ZDHHC3: variants seen among roughly 807,000 people sequenced by gnomAD.
The protein encoded by ZDHHC3 is zDHHC palmitoyltransferase 3, also known as palmitoyltransferase ZDHHC3.
Under a neutral mutation model 30.6 loss-of-function variants are expected in ZDHHC3, and 9 were observed. The ratio of observed to expected loss-of-function variants is 0.29; its 90% CI spans 0.18 to 0.51. The LOEUF (loss-of-function observed/expected upper bound fraction) is 0.51, where lower values mean the gene tolerates loss of function less well. Among genes scored for constraint, ZDHHC3 ranks in the 20% least tolerant of loss-of-function variants. The pLI is 0.97. For synonymous variants in ZDHHC3, 136 were observed against 140.2 expected (o/e 0.97, Z 0.21); for missense variants, 246 against 384.2 (o/e 0.64, Z 3.01).
chr3:44,955,545 T>C (rs984610958), intron 2 of ZDHHC3, among the ~76,000 whole-genome samples: 1 of 151,566 alleles, frequency 6.6e-6, no homozygotes, highest in Non-Finnish European at 1.5e-5. Context: ...ACATTGCTTA[T>C]AACCTTTGGA....
At position 44,958,561 on chromosome 3, in the gene ZDHHC3, A is replaced by G. The variant is rs560916553; in HGVS notation, c.306+570T>C. Reference sequence around the variant, plus strand: ...ATTTAGCTAAGTCATTGAGCAGAACACTACTGCTTTACCCACAGATATTCA... The same window carrying G: ...ATTTAGCTAAGTCATTGAGCAGAACGCTACTGCTTTACCCACAGATATTCA... On this transcript the variant is annotated intron_variant, in intron 2 of 6. Coordinates refer to ENST00000424952, the MANE Select transcript of ZDHHC3 (RefSeq NM_001135179.2). 166 of 1,529,154 alleles carry G rather than the reference A, an allele frequency of 1.1e-4. No homozygotes were observed. The Middle Eastern group carries it at 1.7e-3, about 15-fold the overall frequency. 94.7% of individuals were successfully genotyped at this position (1,529,154 alleles called of 1,614,324 possible).
rs577729055 is a variant in ZDHHC3, at chr3:44,947,639, TAC to T, written c.307-2349_307-2348del. On this transcript the variant is annotated intron_variant, in intron 2 of 6. Coordinates refer to ENST00000424952, the MANE Select transcript of ZDHHC3 (RefSeq NM_001135179.2). ...CACCAATGCTGCAGCTTCAAAAAAC[TAC>T]AGATGCCTAGACTCTTATGCAGCAC... Among the ~76,000 whole-genome samples, 100 of 152,320 alleles carry T rather than the reference TAC, an allele frequency of 6.6e-4. 2 individuals are homozygous for T. The highest frequency in any genetic ancestry group is 2.1e-3 in the African/African-American group (87 of 41,576).
intron 2 of ZDHHC3, chr3:44,958,577 C>A (rs755013872): frequency 5.4e-5 from 83 of 1,535,750 alleles, no homozygotes; most frequent in Non-Finnish European, 6.9e-5. Flanking sequence ...GCTTTACCCA[C>A]AGATATTCAC....
intron 2 of ZDHHC3, among the ~76,000 whole-genome samples, chr3:44,948,551 G>A (rs1345790077): frequency 2.0e-5 from 3 of 152,230 alleles, no homozygotes; most frequent in Non-Finnish European, 4.4e-5. Context: ...TACAGCTGGT[G>A]GGTGGACAGG....
At chr3:44,935,946 T>C (rs1701925409) in intron 3 of ZDHHC3, among the ~76,000 whole-genome samples, 2 of 152,242 alleles carry the variant, frequency 1.3e-5, no homozygotes, top group South Asian at 2.1e-4. Flanking sequence ...ATCCTGGACA[T>C]AGGGCAAAGA....
At chr3:44,934,761 G>A (rs1007171876) in intron 3 of ZDHHC3, among the ~76,000 whole-genome samples, 1 of 151,760 alleles carries the variant, frequency 6.6e-6, no homozygotes, top group Non-Finnish European at 1.5e-5. Flanking sequence ...GTGTGGTGGT[G>A]CATGCCTGTA....
chr3:44,935,496 G>C (rs943131711), intron 3 of ZDHHC3, among the ~76,000 whole-genome samples: 1 of 152,122 alleles, frequency 6.6e-6, no homozygotes, highest in African/African-American at 2.4e-5. Flanking sequence ...TCCTGAGCTC[G>C]AGCAATCCAC....
intron 2 of ZDHHC3, among the ~76,000 whole-genome samples, chr3:44,952,753 A>G (rs1703579073): frequency 6.6e-6 from 1 of 152,174 alleles, no homozygotes; most frequent in Non-Finnish European, 1.5e-5. Flanking sequence ...CCTTGCTTCT[A>G]GCACCCAAAT....
At chr3:44,946,408 A>C (rs1484162376) in intron 2 of ZDHHC3, among the ~76,000 whole-genome samples, 1 of 152,206 alleles carries the variant, frequency 6.6e-6, no homozygotes, top group African/African-American at 2.4e-5. Context: ...CTTAATAACC[A>C]ACCTTCACCA....
chr3:44,974,629 C>T (rs752274419), intron 1 of ZDHHC3, among the ~76,000 whole-genome samples: 2 of 152,222 alleles, frequency 1.3e-5, no homozygotes, highest in East Asian at 1.9e-4. Flanking sequence ...GAAATCCTTC[C>T]GGCTTCACCT....
chr3:44,960,140 A>G (rs547343298), intron 1 of ZDHHC3, among the ~76,000 whole-genome samples: 1 of 152,210 alleles, frequency 6.6e-6, no homozygotes, highest in Non-Finnish European at 1.5e-5. Context: ...ACAGTACCTC[A>G]ATAGATATGT....
At chr3:44,930,005 T>G (rs1701352107) in intron 5 of ZDHHC3, among the ~76,000 whole-genome samples, 2 of 152,124 alleles carry the variant, frequency 1.3e-5, no homozygotes, top group Admixed American at 6.5e-5. Flanking sequence ...GACCACAGTG[T>G]GAGGTAATGC....
chr3:44,971,664 T>C (rs1705414708), intron 1 of ZDHHC3, among the ~76,000 whole-genome samples: 2 of 152,164 alleles, frequency 1.3e-5, no homozygotes, highest in Non-Finnish European at 2.9e-5. Context: ...TTTTCTCAAA[T>C]ATGCCCTAAT....
At position 44,976,129 on chromosome 3, in the gene ZDHHC3, G is replaced by T. The variant is rs1195477141; in HGVS notation, c.-221C>A. The T allele has an allele frequency of 3.6e-6, 2 of 555,156 alleles. No individual in the cohort carries two copies. Among genetic ancestry groups the T allele is most frequent in the East Asian group, 7.1e-5 (2 of 28,214 alleles). 34.4% of individuals were successfully genotyped at this position (555,156 alleles called of 1,614,324 possible). A position where few individuals can be genotyped will look rare whatever the true frequency, so the allele number is the denominator to read the frequency against. ...CAGGAGAAGCCCATCGAGCTCTCCC[G>T]GCAGTGGCGGCGGCCGCGGCTGCAG... On this transcript the variant is annotated 5_prime_UTR_variant, in exon 1 of 7. Transcript: ENST00000424952.
Position 44,918,536 on chromosome 3 carries a change from T to A in ZDHHC3, c.*8153A>T, listed in dbSNP as rs1700368491. 1 of 985,210 alleles carries A rather than the reference T, an allele frequency of 1.0e-6. No homozygotes were observed. The highest frequency in any genetic ancestry group is 1.7e-5 in the African/African-American group (1 of 57,192). The allele number at this position is 985,210 out of a possible 1,614,324, so 61.0% of individuals were successfully genotyped here. A position where few individuals can be genotyped will look rare whatever the true frequency, so the allele number is the denominator to read the frequency against. On this transcript the variant is annotated 3_prime_UTR_variant, in exon 7 of 7. Coordinates refer to ENST00000424952, the MANE Select transcript of ZDHHC3 (RefSeq NM_001135179.2). ...CTCTGAGGCCACTACAAACTGGTGA[T>A]CCCCTCCTAAATATTTTTGGCCACT...
Position 44,963,750 on chromosome 3 carries a change from C to G in ZDHHC3, c.-24-4290G>C, listed in dbSNP as rs1032947903. Among the ~76,000 whole-genome samples the G allele has an allele frequency of 3.9e-5, 6 of 152,210 alleles. 1 individual carries two copies. The South Asian group carries it at 6.2e-4, about 16-fold the overall frequency. On this transcript the variant is annotated intron_variant, in intron 1 of 6. Transcript: ENST00000424952. ...CAGGGCCCCGAAGATGGGCCCTAAG[C>G]CCCAAACCACATCTGCCAGCACATG...
At chr3:44,958,923 C>T (rs985151670) in intron 2 of ZDHHC3, among the ~76,000 whole-genome samples, 6 of 152,230 alleles carry the variant, frequency 3.9e-5, no homozygotes, top group African/African-American at 1.4e-4. Context: ...TTAACCAAGA[C>T]AGATAGGCTG....
Position 44,945,227 on chromosome 3 carries a change from C to T in ZDHHC3, c.372G>A (p.Gln124=). 1.2e-6 allele frequency: 2 copies of T among 1,614,196 alleles called. No individual in the cohort carries two copies. Among genetic ancestry groups the T allele is most frequent in the Non-Finnish European group, 1.7e-6 (2 of 1,180,042 alleles). ...FIESLQLKPG[Q]VVYKCPKCCS... ...AGCATTTGGGGCACTTGTACACCAC[C>T]TGCCCAGGCTTCAACTGTAAACTCT... Residue 124 remains glutamine, a synonymous_variant, in exon 3 of 7, where the codon CAG becomes CAA. Transcript: ENST00000424952.
Position 44,945,402 on chromosome 3 carries a change from G to A in ZDHHC3, c.307-110C>T. 2.1e-6 allele frequency: 3 copies of A among 1,443,838 alleles called. No individual in the cohort carries two copies. In the South Asian group the frequency reaches 3.8e-5, roughly 18 times the overall value. The allele number at this position is 1,443,838 out of a possible 1,614,324, so 89.4% of individuals were successfully genotyped here. On this transcript the variant is annotated intron_variant, in intron 2 of 6. Coordinates refer to ENST00000424952, the MANE Select transcript of ZDHHC3 (RefSeq NM_001135179.2). ...CAGCAACCACACACACACATGGACA[G>A]GACACTTTGATACCAACAACATGTG...
Sources: gnomAD v4.1 joint callset for allele counts (sites outside exome capture counted in the v4.1 genomes callset) on GRCh38, gnomAD v4.1.1 for gene constraint, MANE v1.5 for transcripts, NCBI Gene and HGNC (gene_info 2026-07-23, HGNC 2026-07-21) for gene names.